The following AHR variants were observed in gnomAD, a reference collection of about 807,000 sequenced individuals.
AHR encodes aryl hydrocarbon receptor.
A neutral mutation model predicts 86.8 loss-of-function variants in AHR; 40 were observed. The observed-to-expected ratio is 0.46, with a 90% CI of 0.36 to 0.60. AHR has a LOEUF of 0.60. Ranked by LOEUF, AHR falls within the 20% of genes least tolerant of loss-of-function variation. The pLI is 0.00. For missense variants in AHR, 1,001 were observed against 1,011.6 expected (o/e 0.99, Z 0.14); for synonymous variants, 398 against 354.9 (o/e 1.12, Z -1.37).
At chr7:17,315,830 T>C (rs1349114937) in intron 2 of AHR, among the ~76,000 whole-genome samples, 1 of 152,040 alleles carries the variant, frequency 6.6e-6, no homozygotes, top group Non-Finnish European at 1.5e-5. Context: ...ATCTTGCTCT[T>C]ACAGCCTTTT....
At chr7:17,334,178 A>C in intron 7 of AHR, 64 bp downstream of exon 7, 1 of 1,410,402 alleles carries the variant, frequency 7.1e-7, no homozygotes, top group Non-Finnish European at 1.0e-6. Context: ...AGTCTCTCTT[A>C]GCATGTAAAA....
chr7:17,335,531 T>C (rs1300742642), intron 8 of AHR, 114 bp from the exon 9 acceptor site: 23 of 851,652 alleles, frequency 2.7e-5, no homozygotes, highest in Non-Finnish European at 3.7e-5. Flanking sequence ...ATTTATTGTC[T>C]TTGGGGATAA....
chr7:17,343,560 T>C lies in AHR; in HGVS notation c.*496T>C, dbSNP rs1782449188. Reference sequence around the variant, plus strand: ...GTTAAAATAAATGGTTTGGTGCTTTTTATAAAAAGATAATCTCAGTGCTTT... The same window carrying C: ...GTTAAAATAAATGGTTTGGTGCTTTCTATAAAAAGATAATCTCAGTGCTTT... On this transcript the variant is annotated 3_prime_UTR_variant, in exon 11 of 11. Coordinates refer to ENST00000242057, the MANE Select transcript of AHR (RefSeq NM_001621.5). 1 of 155,746 alleles carries C rather than the reference T, an allele frequency of 6.4e-6. No homozygotes were observed. The highest frequency in any genetic ancestry group is 1.9e-4 in the East Asian group (1 of 5,370). The allele number at this position is 155,746 out of a possible 1,614,324, so 9.6% of individuals were successfully genotyped here. A position where few individuals can be genotyped will look rare whatever the true frequency, so the allele number is the denominator to read the frequency against.
At chr7:17,325,902 A>C (rs1281015593) in intron 3 of AHR, among the ~76,000 whole-genome samples, 1 of 152,210 alleles carries the variant, frequency 6.6e-6, no homozygotes, top group Non-Finnish European at 1.5e-5. Context: ...TCATGACACA[A>C]GTTTACCTAT....
At chr7:17,310,831 T>C (rs377046612) in intron 2 of AHR, among the ~76,000 whole-genome samples, 2 of 152,276 alleles carry the variant, frequency 1.3e-5, no homozygotes, top group South Asian at 2.1e-4. Flanking sequence ...CCACTGCGCC[T>C]GGCCTATTTC....
chr7:17,326,699 G>A (rs200684645), intron 3 of AHR, among the ~76,000 whole-genome samples: 1 of 152,122 alleles, frequency 6.6e-6, no homozygotes, highest in East Asian at 1.9e-4. Context: ...CTAAAAAGCA[G>A]TAAATAGCTT....
At position 17,343,109 on chromosome 7, in the gene AHR, G is replaced by A; in HGVS notation, c.*45G>A. The A allele has an allele frequency of 3.7e-6, 6 of 1,601,134 alleles. No homozygotes were observed. Among genetic ancestry groups the A allele is most frequent in the Non-Finnish European group, 5.1e-6 (6 of 1,169,448 alleles). On this transcript the variant is annotated 3_prime_UTR_variant, in exon 11 of 11. Coordinates refer to ENST00000242057, the MANE Select transcript of AHR (RefSeq NM_001621.5). ...CCTGGTTTTTGGATTAAATTAGTTT[G>A]TGAAGGATTATGGAAAAATAAAACT...
Position 17,339,274 on chromosome 7 carries a change from C to A in AHR, c.1449C>A (p.Asn483Lys). 1 of 1,614,164 alleles carries A rather than the reference C, an allele frequency of 6.2e-7. No homozygotes were observed. Among genetic ancestry groups the A allele is most frequent in the Non-Finnish European group, 8.5e-7 (1 of 1,180,024 alleles). Reference protein sequence around the residue: ...SSTSSTAPFENNFFNESMNEC... With the variant: ...SSTSSTAPFEKNFFNESMNEC... ...CTTCAAGTACTGCACCTTTTGAAAA[C>A]AACTTTTTCAACGAATCTATGAATG... The change falls in exon 10 of 11, where the codon AAC becomes AAA. Residue 483 changes from asparagine (N) to lysine (K), a missense_variant. Coordinates refer to ENST00000242057, the MANE Select transcript of AHR (RefSeq NM_001621.5).
rs746228416 is a variant in AHR at position 17,339,223 on chromosome 7, T to A, written c.1398T>A (p.Ser466=). The part of the protein sequence containing the change: ...LLAAMMQQDE[S]IYLYPASSTS... ...CTGCCATGATGCAACAAGATGAGTC[T>A]ATTTATCTCTATCCTGCTTCAAGTA... The change falls in exon 10 of 11, where the codon TCT becomes TCA. Residue 466 remains serine (S), a synonymous_variant. Coordinates refer to ENST00000242057, the MANE Select transcript of AHR (RefSeq NM_001621.5). The A allele has an allele frequency of 6.2e-7, 1 of 1,614,220 alleles. No homozygotes were observed. Among genetic ancestry groups the A allele is most frequent in the Admixed American group, 1.7e-5 (1 of 60,028 alleles).
At chr7:17,314,615 A>G (rs912338359) in intron 2 of AHR, among the ~76,000 whole-genome samples, 1 of 152,002 alleles carries the variant, frequency 6.6e-6, no homozygotes, top group African/African-American at 2.4e-5. Context: ...TTGTTTTGGT[A>G]TCTCTCTAGA....
chr7:17,322,235 C>A (rs1782182100), intron 2 of AHR, among the ~76,000 whole-genome samples: 1 of 151,918 alleles, frequency 6.6e-6, no homozygotes, highest in Non-Finnish European at 1.5e-5. Context: ...ATATCGTGAA[C>A]TCATCAAAAA....
chr7:17,317,385 T>C (rs1180943442), intron 2 of AHR, among the ~76,000 whole-genome samples: 1 of 152,114 alleles, frequency 6.6e-6, no homozygotes, highest in East Asian at 1.9e-4. Context: ...GGGCATTGTA[T>C]GCTACTTGCT....
chr7:17,300,680 T>C (rs1781946346), intron 1 of AHR, among the ~76,000 whole-genome samples: 1 of 152,208 alleles, frequency 6.6e-6, no homozygotes, highest in Non-Finnish European at 1.5e-5. Flanking sequence ...CGGTTATTAA[T>C]ACTTTTAATT....
At chr7:17,336,323 G>A (rs1205263064) in intron 9 of AHR, among the ~76,000 whole-genome samples, 2 of 151,870 alleles carry the variant, frequency 1.3e-5, no homozygotes, top group South Asian at 4.2e-4. Flanking sequence ...TCCCGGCTGC[G>A]CTGTATTTTG....
Position 17,344,950 on chromosome 7 carries a change from AG to A in AHR, c.*1887del, listed in dbSNP as rs202198518. 0.13 allele frequency: 19,408 copies of A among 151,432 alleles called. 1,472 individuals are homozygous for A. The highest frequency in any genetic ancestry group is 0.36 in the East Asian group (1,882 of 5,198). 9.4% of individuals were successfully genotyped at this position (151,432 alleles called of 1,614,324 possible). On this transcript the variant is annotated 3_prime_UTR_variant, in exon 11 of 11. Coordinates refer to ENST00000242057, the MANE Select transcript of AHR (RefSeq NM_001621.5). ...AGCTCTTCTTTTCTTTAGATATGAG[AG>A]CTGAAGAGCTTAGACACATTTTGCA...
Position 17,339,748 on chromosome 7 carries a change from G to A in AHR, c.1923G>A (p.Lys641=), listed in dbSNP as rs754999844. The change falls in exon 10 of 11, where the codon AAG becomes AAA. Residue 641 remains lysine, a synonymous_variant. Transcript: ENST00000242057. ...VVEPQQQLCQ[K]MKHMQVNGMF... is the part of the protein sequence containing the mutation. ...AGCCACAGCAACAGCTGTGTCAGAA[G>A]ATGAAGCACATGCAAGTTAATGGCA... The A allele has an allele frequency of 4.3e-6, 7 of 1,614,050 alleles. No individual in the cohort carries two copies. In the Admixed American group the frequency reaches 1.2e-4, roughly 27 times the overall value.
chr7:17,322,613 T>G lies in AHR; in HGVS notation c.360+6T>G. The G allele has an allele frequency of 6.5e-7, 1 of 1,548,304 alleles. No individual in the cohort carries two copies. The highest frequency in any genetic ancestry group is 8.9e-7 in the Non-Finnish European group (1 of 1,122,610). ...AAGGAGAATTCTTATTACAGGTAAATTTTAGTAAATATAGTTTCTTACACT... is the reference window on the plus strand; with the variant it reads ...AAGGAGAATTCTTATTACAGGTAAAGTTTAGTAAATATAGTTTCTTACACT... On this transcript the variant is annotated splice_donor_region_variant and intron_variant, in intron 3 of 10. Transcript: ENST00000242057.
intron 5 of AHR, among the ~76,000 whole-genome samples, chr7:17,330,459 T>C (rs1443590173): frequency 6.6e-6 from 1 of 151,872 alleles, no homozygotes; most frequent in Non-Finnish European, 1.5e-5. Context: ...CTTTTCTCAA[T>C]GCAAAAAATG....
intron 3 of AHR, among the ~76,000 whole-genome samples, chr7:17,324,461 AATATTTTCCTTTGCTTAACAAAGGC>A (rs1782206712): frequency 6.6e-6 from 1 of 152,222 alleles, no homozygotes; most frequent in African/African-American, 2.4e-5. Flanking sequence ...TTTGAGGAGA[AATATTTTCCTTTGCTTAACAAAGGC>A]ATATGAAGAA....
Sources: allele counts gnomAD v4.1 joint callset (sites outside exome capture counted in the v4.1 genomes callset), GRCh38; gene constraint gnomAD v4.1.1; transcripts MANE v1.5; gene names NCBI Gene and HGNC (gene_info 2026-07-23, HGNC 2026-07-21).